Variants in UNC5B observed in about 807,000 individuals in gnomAD.
UNC5B encodes the protein netrin receptor UNC5B.
In UNC5B, 56 loss-of-function variants were observed where a neutral mutation model predicts 103.7. The observed-to-expected ratio is 0.54, with a 90% CI of 0.44 to 0.67. The LOEUF is 0.67. Among genes scored for constraint, UNC5B ranks in the 30% least tolerant of loss-of-function variants. UNC5B has a pLI of 0.00. For synonymous variants in UNC5B, 577 were observed against 542.0 expected, an observed-to-expected ratio of 1.06 and a Z score of -0.90; for missense variants, 1,194 against 1,284.5, an observed-to-expected ratio of 0.93 and a Z score of 1.08.
At chr10:71,263,629 G>A (rs927431816) in intron 1 of UNC5B, among the ~76,000 whole-genome samples, 17 of 152,184 alleles carry the variant, frequency 1.1e-4, no homozygotes, top group Admixed American at 5.9e-4. Context: ...CAGTGACAGC[G>A]GCTGGGAAAA....
At chr10:71,220,674 C>G (rs1289146949) in intron 1 of UNC5B, among the ~76,000 whole-genome samples, 1 of 152,156 alleles carries the variant, frequency 6.6e-6, no homozygotes, top group African/African-American at 2.4e-5. Flanking sequence ...CCTTGAGAGT[C>G]TCATGAGCTG....
At position 71,293,837 on chromosome 10, in the gene UNC5B, G is replaced by A. The variant is rs751780746; in HGVS notation, c.2079G>A (p.Lys693=). ...TGESYSRSAV[K]RLQLAVFAPA... Reference sequence around the variant, plus strand: ...AGTCCTATTCCCGCTCAGCAGTCAAGCGGCTCCAGCTGGCCGTCTTCGCCC... The same window carrying A: ...AGTCCTATTCCCGCTCAGCAGTCAAACGGCTCCAGCTGGCCGTCTTCGCCC... Residue 693 remains lysine (K), a synonymous_variant, in exon 13 of 17, where the codon AAG becomes AAA. Transcript: ENST00000335350. 4 of 1,611,584 alleles carry A rather than the reference G, an allele frequency of 2.5e-6. No individual in the cohort carries two copies. The South Asian group carries it at 4.4e-5, about 18-fold the overall frequency.
chr10:71,212,865 G>T lies in UNC5B; in HGVS notation c.-121G>T, dbSNP rs924756657. The T allele has an allele frequency of 7.4e-6, 6 of 808,724 alleles. No individual in the cohort carries two copies. The highest frequency in any genetic ancestry group is 8.8e-5 in the Admixed American group (2 of 22,760). The allele number at this position is 808,724 out of a possible 1,614,324, so 50.1% of individuals were successfully genotyped here. ...CTGCCCCCACGGAAGGCACGGGCTG[G>T]CGCTGCCGGGCGCCGGGGAGGACGG... On this transcript the variant is annotated 5_prime_UTR_variant, in exon 1 of 17. Transcript: ENST00000335350.
intron 1 of UNC5B, among the ~76,000 whole-genome samples, chr10:71,269,031 T>TGGGGGGG (rs1483687834): frequency 6.6e-6 from 1 of 151,924 alleles, no homozygotes; most frequent in Admixed American, 6.6e-5. Flanking sequence ...CGGGGGCTGG[T>TGGGGGGG]GGGGGGAGAC....
At chr10:71,214,419 T>C (rs1326362962) in intron 1 of UNC5B, among the ~76,000 whole-genome samples, 2 of 152,046 alleles carry the variant, frequency 1.3e-5, no homozygotes, top group African/African-American at 2.4e-5. Flanking sequence ...TAATTATGAT[T>C]TGGGCAGACT....
At chr10:71,251,450 C>T (rs1180653933) in intron 1 of UNC5B, among the ~76,000 whole-genome samples, 1 of 152,126 alleles carries the variant, frequency 6.6e-6, no homozygotes, top group Non-Finnish European at 1.5e-5. Flanking sequence ...TGGCAGCCAC[C>T]CTGGACTTCA....
At position 71,292,569 on chromosome 10, in the gene UNC5B, A is replaced by G. The variant is rs1398499960; in HGVS notation, c.1772+15A>G. On this transcript the variant is annotated intron_variant, in intron 11 of 16. Transcript: ENST00000335350. ...GAAAGTACCCTGTGAGTAGAGCCCCAGCCGCTGCTCCTTTTTCTTCCTCCC... is the reference window on the plus strand; with the variant it reads ...GAAAGTACCCTGTGAGTAGAGCCCCGGCCGCTGCTCCTTTTTCTTCCTCCC... The G allele has an allele frequency of 1.3e-6, 2 of 1,584,690 alleles. No homozygotes were observed. The highest frequency in any genetic ancestry group is 8.6e-7 in the Non-Finnish European group (1 of 1,163,816).
At chr10:71,268,743 C>T (rs1001411379) in intron 1 of UNC5B, among the ~76,000 whole-genome samples, 1 of 152,204 alleles carries the variant, frequency 6.6e-6, no homozygotes. Flanking sequence ...CCTGGGCTTT[C>T]AGGGCGGCAT....
At chr10:71,261,000 C>A (rs963085434) in intron 1 of UNC5B, among the ~76,000 whole-genome samples, 1 of 152,226 alleles carries the variant, frequency 6.6e-6, no homozygotes, top group Non-Finnish European at 1.5e-5. Flanking sequence ...AGCAGAGCAG[C>A]CGGCTGGTTC....
chr10:71,222,614 CAG>C (rs760362408), intron 1 of UNC5B, among the ~76,000 whole-genome samples: 4 of 152,174 alleles, frequency 2.6e-5, no homozygotes, highest in Admixed American at 2.6e-4. Context: ...AACAGTGGGA[CAG>C]AGAGTCCCAA....
chr10:71,212,757 C>T lies in UNC5B; in HGVS notation c.-229C>T, dbSNP rs1435725646. ...TCAGAGACCCGGAGCCAGAGGGGCG[C>T]GCCGGAGCCTCGTTCGAGAGCCGGC... On this transcript the variant is annotated 5_prime_UTR_variant, in exon 1 of 17. Coordinates refer to ENST00000335350, the MANE Select transcript of UNC5B (RefSeq NM_170744.5). 3.1e-5 allele frequency: 11 copies of T among 350,964 alleles called. No individual in the cohort carries two copies. The highest frequency in any genetic ancestry group is 5.1e-5 in the Non-Finnish European group (10 of 195,990). The allele number at this position is 350,964 out of a possible 1,614,324, so 21.7% of individuals were successfully genotyped here.
intron 1 of UNC5B, among the ~76,000 whole-genome samples, chr10:71,216,459 C>T (rs568286132): frequency 8.3e-4 from 126 of 152,200 alleles, no homozygotes; most frequent in Non-Finnish European, 1.3e-3. Context: ...CCAAAGGTGG[C>T]TCCCCCAACC....
At chr10:71,216,438 C>T (rs1007899857) in intron 1 of UNC5B, among the ~76,000 whole-genome samples, 1 of 152,170 alleles carries the variant, frequency 6.6e-6, no homozygotes, top group African/African-American at 2.4e-5. Flanking sequence ...GCTCTGAGAC[C>T]AGGCAAGTGC....
intron 1 of UNC5B, among the ~76,000 whole-genome samples, chr10:71,223,738 C>A (rs978351748): frequency 3.0e-5 from 4 of 135,240 alleles, no homozygotes; most frequent in Middle Eastern, 3.9e-3. Context: ...CTACTTGTAG[C>A]CACAAGCCCA....
At chr10:71,234,500 A>G (rs1332148856) in intron 1 of UNC5B, among the ~76,000 whole-genome samples, 3 of 152,184 alleles carry the variant, frequency 2.0e-5, no homozygotes, top group African/African-American at 7.2e-5. Context: ...CCAGCATAAG[A>G]AGCAAAGCCC....
In UNC5B at chr10:71,298,161, A is replaced by C; in HGVS notation, c.2672+71A>C. On this transcript the variant is annotated intron_variant, in intron 16 of 16. Coordinates refer to ENST00000335350, the MANE Select transcript of UNC5B (RefSeq NM_170744.5). The stretch of plus-strand genomic sequence containing the variant: ...AAGGTCTCACAGGGGCAGGCAGGGC[A>C]GGCAGCCTGACAGCCACGACCATCT... 3.3e-6 allele frequency: 5 copies of C among 1,504,810 alleles called. No homozygotes were observed. In the South Asian group the frequency reaches 6.6e-5, roughly 20 times the overall value. The allele number at this position is 1,504,810 out of a possible 1,614,324, so 93.2% of individuals were successfully genotyped here.
intron 1 of UNC5B, among the ~76,000 whole-genome samples, chr10:71,245,758 C>T (rs1453250931): frequency 6.6e-6 from 1 of 152,188 alleles, no homozygotes; most frequent in Non-Finnish European, 1.5e-5. Context: ...TCTGGCCCTC[C>T]CTGTCTATTC....
In UNC5B at chr10:71,295,962, T is replaced by A. The variant is rs1488191984; in HGVS notation, c.2325+2T>A. On this transcript the variant is annotated splice_donor_variant, in intron 14 of 16. Transcript: ENST00000335350. LOFTEE classifies it high-confidence loss of function. ...AGCAAGCTGCTGGCCAAATACCAGG[T>A]GAGGGCTGGGCTGATGGATGGGGAG... 1 of 1,612,678 alleles carries A rather than the reference T, an allele frequency of 6.2e-7. No homozygotes were observed. The highest frequency in any genetic ancestry group is 1.7e-5 in the Admixed American group (1 of 60,028).
rs557008516 is a variant in UNC5B at position 71,253,608 on chromosome 10, T to C, written c.80-26213T>C. On this transcript the variant is annotated intron_variant, in intron 1 of 16. Transcript: ENST00000335350. Reference sequence around the variant, plus strand: ...TCAGTCCCAGGGCAAGCTGGGGCTTTGTCTCCCTCTCCCCTGCCAAGCTCC... The same window carrying C: ...TCAGTCCCAGGGCAAGCTGGGGCTTCGTCTCCCTCTCCCCTGCCAAGCTCC... Among the ~76,000 whole-genome samples the C allele has an allele frequency of 2.6e-5, 4 of 152,320 alleles. No homozygotes were observed. The East Asian group carries it at 7.7e-4, about 29-fold the overall frequency.
Sources: allele counts gnomAD v4.1 joint callset (sites outside exome capture counted in the v4.1 genomes callset), GRCh38; gene constraint gnomAD v4.1.1; transcripts MANE v1.5; gene names NCBI Gene and HGNC (gene_info 2026-07-23, HGNC 2026-07-21).